SERPINI1: variants seen among roughly 807,000 people sequenced by gnomAD.
The protein encoded by SERPINI1 is neuroserpin.
A neutral mutation model predicts 41.1 loss-of-function variants in SERPINI1; 19 were observed. The observed-to-expected ratio is 0.46, with a 90% CI of 0.32 to 0.68. The LOEUF (loss-of-function observed/expected upper bound fraction) is 0.68, where lower values mean the gene tolerates loss of function less well. Among genes scored for constraint, SERPINI1 ranks in the 30% least tolerant of loss-of-function variants. The probability of loss-of-function intolerance (pLI) is 0.03; values close to 1 mark genes in which losing one functional copy is unlikely to be tolerated. For synonymous variants in SERPINI1, 138 were observed against 156.6 expected (o/e 0.88, Z 0.89); for missense variants, 460 against 479.2 (o/e 0.96, Z 0.37).
At chr3:167,761,693 G>A (rs998993646) in intron 1 of SERPINI1, among the ~76,000 whole-genome samples, 3 of 152,108 alleles carry the variant, frequency 2.0e-5, no homozygotes, top group African/African-American at 7.2e-5. Flanking sequence ...ATGGTAAAAC[G>A]TAGTTATGAC....
chr3:167,825,528 G>A lies in SERPINI1; in HGVS notation c.*205G>A. On this transcript the variant is annotated 3_prime_UTR_variant, in exon 9 of 9. Transcript: ENST00000446050. ...ATGGTCCTGTTATGTCATTGTGTTTGTGTGCTGTTGTTTAAAATAAAAGTA... is the reference window on the plus strand; with the variant it reads ...ATGGTCCTGTTATGTCATTGTGTTTATGTGCTGTTGTTTAAAATAAAAGTA... 1.9e-6 allele frequency: 1 copy of A among 532,798 alleles called. No individual in the cohort carries two copies. Among genetic ancestry groups the A allele is most frequent in the Non-Finnish European group, 3.3e-6 (1 of 298,606 alleles). The allele number at this position is 532,798 out of a possible 1,614,324, so 33.0% of individuals were successfully genotyped here.
intron 6 of SERPINI1, among the ~76,000 whole-genome samples, chr3:167,816,800 T>C (rs1405454642): frequency 1.3e-5 from 2 of 152,132 alleles, no homozygotes; most frequent in African/African-American, 4.8e-5. Flanking sequence ...GATGCTGAGC[T>C]TCTAAACTAG....
intron 1 of SERPINI1, among the ~76,000 whole-genome samples, chr3:167,753,481 C>G (rs1726106355): frequency 6.6e-6 from 1 of 151,976 alleles, no homozygotes; most frequent in Non-Finnish European, 1.5e-5. Context: ...TCAATAATGC[C>G]AGAAACCCTA....
At chr3:167,793,477 C>T (rs1727595037) in intron 4 of SERPINI1, among the ~76,000 whole-genome samples, 1 of 151,352 alleles carries the variant, frequency 6.6e-6, no homozygotes, top group Non-Finnish European at 1.5e-5. Context: ...GTGGCTCATG[C>T]CTGTAATCCC....
intron 6 of SERPINI1, 65 bp from the exon 7 acceptor site, chr3:167,822,921 C>T: frequency 1.1e-6 from 1 of 915,668 alleles, no homozygotes; most frequent in Non-Finnish European, 1.8e-6. Context: ...ATCCATTTAA[C>T]AAAAGGGCAA....
intron 1 of SERPINI1, among the ~76,000 whole-genome samples, chr3:167,737,208 A>G (rs1379948192): frequency 1.3e-5 from 2 of 152,128 alleles, no homozygotes; most frequent in African/African-American, 4.8e-5. Flanking sequence ...CGATAAGCCT[A>G]AGTGACTTTT....
intron 1 of SERPINI1, among the ~76,000 whole-genome samples, chr3:167,777,521 G>A (rs1726999596): frequency 6.6e-6 from 1 of 152,094 alleles, no homozygotes; most frequent in African/African-American, 2.4e-5. Context: ...CCACTACACA[G>A]GTGATGTTGT....
chr3:167,750,787 A>G (rs905464639), intron 1 of SERPINI1, among the ~76,000 whole-genome samples: 1 of 152,160 alleles, frequency 6.6e-6, no homozygotes, highest in Non-Finnish European at 1.5e-5. Flanking sequence ...TTTCCAGCCA[A>G]AACATAGTTC....
At chr3:167,768,910 A>G (rs578099386) in intron 1 of SERPINI1, among the ~76,000 whole-genome samples, 86 of 152,316 alleles carry the variant, frequency 5.6e-4, no homozygotes, top group South Asian at 2.5e-3. Flanking sequence ...GCTGCAGACC[A>G]GCTTTTTTTA....
intron 1 of SERPINI1, among the ~76,000 whole-genome samples, chr3:167,743,246 C>G (rs905608138): frequency 2.6e-5 from 4 of 152,014 alleles, no homozygotes; most frequent in South Asian, 2.1e-4. Flanking sequence ...ATTTATTACC[C>G]TAGAAAATGG....
At chr3:167,759,166 A>C (rs1726289848) in intron 1 of SERPINI1, among the ~76,000 whole-genome samples, 1 of 152,108 alleles carries the variant, frequency 6.6e-6, no homozygotes, top group African/African-American at 2.4e-5. Flanking sequence ...AAGACAGAGA[A>C]GGCATATTGT....
At chr3:167,813,233 T>C (rs1012760065) in intron 6 of SERPINI1, among the ~76,000 whole-genome samples, 1 of 152,238 alleles carries the variant, frequency 6.6e-6, no homozygotes, top group African/African-American at 2.4e-5. Context: ...CCTGGATTAC[T>C]GCAACAGCTA....
At chr3:167,751,346 A>G (rs1726044722) in intron 1 of SERPINI1, among the ~76,000 whole-genome samples, 1 of 152,182 alleles carries the variant, frequency 6.6e-6, no homozygotes, top group Admixed American at 6.5e-5. Flanking sequence ...TATGCTATTG[A>G]ATTATTAACA....
intron 1 of SERPINI1, among the ~76,000 whole-genome samples, chr3:167,775,111 A>G (rs901076635): frequency 6.6e-6 from 1 of 151,968 alleles, no homozygotes; most frequent in Admixed American, 6.6e-5. Context: ...AGATAAGTTT[A>G]AAACTGTCTT....
At chr3:167,813,786 T>TG (rs1226250033) in intron 6 of SERPINI1, among the ~76,000 whole-genome samples, 2 of 152,112 alleles carry the variant, frequency 1.3e-5, no homozygotes, top group Non-Finnish European at 2.9e-5. Context: ...GAATTTGTGG[T>TG]GGGGGACAGG....
intron 3 of SERPINI1, among the ~76,000 whole-genome samples, chr3:167,790,901 T>G (rs536653070): frequency 7.2e-5 from 11 of 152,294 alleles, no homozygotes; most frequent in East Asian, 3.9e-4. Context: ...ATTTTGCTTG[T>G]CCTATTTAAT....
intron 1 of SERPINI1, among the ~76,000 whole-genome samples, chr3:167,747,508 G>A (rs1725895125): frequency 6.6e-6 from 1 of 152,146 alleles, no homozygotes; most frequent in Non-Finnish European, 1.5e-5. Context: ...GCTGGGCGTG[G>A]CAGCGGGCGC....
intron 2 of SERPINI1, 81 bp from the exon 3 acceptor site, chr3:167,790,291 T>G (rs768677215): frequency 5.1e-5 from 54 of 1,048,676 alleles, no homozygotes; most frequent in Admixed American, 2.3e-4. Context: ...TCTCCCTTGC[T>G]GTGCTTTAAT....
chr3:167,786,232 G>A (rs1286515723), intron 1 of SERPINI1, among the ~76,000 whole-genome samples: 1 of 152,190 alleles, frequency 6.6e-6, no homozygotes, highest in Non-Finnish European at 1.5e-5. Flanking sequence ...GCCGGGTGTG[G>A]TGGCTCACGC....
Sources: allele counts gnomAD v4.1 joint callset (sites outside exome capture counted in the v4.1 genomes callset), GRCh38; gene constraint gnomAD v4.1.1; transcripts MANE v1.5; gene names NCBI Gene and HGNC (gene_info 2026-07-23, HGNC 2026-07-21).